TRAF3IP3: variants seen among roughly 807,000 people sequenced by gnomAD.
The protein encoded by TRAF3IP3 is TRAF3-interacting JNK-activating modulator.
In TRAF3IP3, 64 loss-of-function variants were observed where a neutral mutation model predicts 86.5. The ratio of observed to expected loss-of-function variants is 0.74; its 90% CI spans 0.60 to 0.91. TRAF3IP3 has a LOEUF of 0.91. TRAF3IP3 is among the 40% of genes least tolerant of loss of function. The pLI is 0.00. For synonymous variants in TRAF3IP3, 220 were observed against 243.9 expected (o/e 0.90, Z 0.91); for missense variants, 579 against 642.9 (o/e 0.90, Z 1.07).
intron 8 of TRAF3IP3, among the ~76,000 whole-genome samples, chr1:209,770,850 T>C (rs2077475151): frequency 7.6e-6 from 1 of 130,876 alleles, no homozygotes; most frequent in Non-Finnish European, 1.6e-5. Context: ...AGTGTGTGTG[T>C]GCATGTGAAA....
At chr1:209,779,782 G>T in intron 14 of TRAF3IP3, 1 of 476,770 alleles carries the variant, frequency 2.1e-6, no homozygotes, top group Non-Finnish European at 3.8e-6. Flanking sequence ...TGTTTCCTGA[G>T]AATTCACTGT....
At chr1:209,771,081 GGTGT>G (rs796466318) in intron 8 of TRAF3IP3, among the ~76,000 whole-genome samples, 4 of 143,460 alleles carry the variant, frequency 2.8e-5, no homozygotes, top group Non-Finnish European at 4.5e-5. Flanking sequence ...TGCAGGTGGA[GGTGT>G]GTGTGTGCAG....
Position 209,781,459 on chromosome 1 carries a change from G to A in TRAF3IP3, c.1563+1G>A, listed in dbSNP as rs749392897. 3 of 1,607,992 alleles carry A rather than the reference G, an allele frequency of 1.9e-6. No individual in the cohort carries two copies. Among genetic ancestry groups the A allele is most frequent in the Middle Eastern group, 1.7e-4 (1 of 6,048 alleles). On this transcript the variant is annotated splice_donor_variant, in intron 16 of 16. Coordinates refer to ENST00000367025, the MANE Select transcript of TRAF3IP3 (RefSeq NM_025228.4). LOFTEE classifies it high-confidence loss of function. ...CCAGAGCCAGCAGCTGCCTCCCAGA[G>A]TAAGAGGGTCTCTCCTTCCCATAAA...
intron 8 of TRAF3IP3, among the ~76,000 whole-genome samples, chr1:209,771,599 T>G (rs1402906406): frequency 8.2e-6 from 1 of 122,254 alleles, no homozygotes; most frequent in Non-Finnish European, 1.6e-5. Flanking sequence ...TGGAGGTGTG[T>G]GTGCGCATGT....
chr1:209,778,333 G>T (rs776246663), intron 13 of TRAF3IP3, 160 bp downstream of exon 13: 7 of 565,100 alleles, frequency 1.2e-5, no homozygotes, highest in Non-Finnish European at 2.2e-5. Flanking sequence ...CATTTACATA[G>T]CTCTCCATAA....
intron 8 of TRAF3IP3, chr1:209,768,370 C>A: frequency 1.0e-6 from 1 of 985,432 alleles, no homozygotes; most frequent in Non-Finnish European, 1.2e-6. Flanking sequence ...GAGGGTCCAA[C>A]CTTCAGGGCA....
At chr1:209,761,541 T>C (rs1202484418) in intron 3 of TRAF3IP3, among the ~76,000 whole-genome samples, 1 of 152,166 alleles carries the variant, frequency 6.6e-6, no homozygotes, top group Non-Finnish European at 1.5e-5. Flanking sequence ...CAATAGGAGA[T>C]GCTGTTCAGA....
intron 14 of TRAF3IP3, 58 bp from the exon 15 acceptor site, chr1:209,780,412 G>T (rs1011607399): frequency 7.0e-7 from 1 of 1,432,482 alleles, no homozygotes; most frequent in Admixed American, 2.4e-5. Flanking sequence ...TTCACCCTCA[G>T]GGCCCTTCCT....
In TRAF3IP3 at chr1:209,779,388, T is replaced by C. The variant is rs914317321; in HGVS notation, c.1312+14T>C. Reference sequence around the variant, plus strand: ...TAACAAAGAAAGGTCAGCAAATTTATTACCACAAATTCTAAGATATTGCTC... The same window carrying C: ...TAACAAAGAAAGGTCAGCAAATTTACTACCACAAATTCTAAGATATTGCTC... On this transcript the variant is annotated intron_variant, in intron 14 of 16. Coordinates refer to ENST00000367025, the MANE Select transcript of TRAF3IP3 (RefSeq NM_025228.4). The C allele has an allele frequency of 5.6e-6, 9 of 1,608,798 alleles. No individual in the cohort carries two copies. In the South Asian group the frequency reaches 8.8e-5, roughly 16 times the overall value.
At chr1:209,772,679 CT>C (rs150179236) in intron 8 of TRAF3IP3, among the ~76,000 whole-genome samples, 5,297 of 151,886 alleles carry the variant, frequency 0.035, 328 homozygotes, top group African/African-American at 0.12. Flanking sequence ...CGGGGCCCCC[CT>C]GCTATGCTAC....
chr1:209,770,212 C>T (rs1484197037), intron 8 of TRAF3IP3, among the ~76,000 whole-genome samples: 1 of 141,048 alleles, frequency 7.1e-6, no homozygotes, highest in Non-Finnish European at 1.5e-5. Context: ...CTCCCTTACA[C>T]CCCCTGCCGC....
intron 9 of TRAF3IP3, 66 bp from the exon 10 acceptor site, chr1:209,775,283 A>G (rs1407939145): frequency 6.8e-6 from 10 of 1,477,820 alleles, no homozygotes; most frequent in Non-Finnish European, 9.2e-6. Context: ...TCATTTCTGT[A>G]TCCCAGCTCA....
intron 2 of TRAF3IP3, 34 bp from the exon 3 acceptor site, chr1:209,759,948 C>T: frequency 8.5e-6 from 9 of 1,061,924 alleles, no homozygotes; most frequent in Non-Finnish European, 1.3e-5. Flanking sequence ...ATCTTCTGAC[C>T]CCTCCCCTTC....
chr1:209,771,711 GT>G (rs1374310685), intron 8 of TRAF3IP3, among the ~76,000 whole-genome samples: 1 of 150,082 alleles, frequency 6.7e-6, no homozygotes, highest in Non-Finnish European at 1.5e-5. Flanking sequence ...AGGTGTATGT[GT>G]GCAGGTGGAA....
chr1:209,762,915 C>G, intron 5 of TRAF3IP3, 45 bp downstream of exon 5: 2 of 1,611,308 alleles, frequency 1.2e-6, no homozygotes, highest in Non-Finnish European at 1.7e-6. Flanking sequence ...CCATTCCTCT[C>G]TAGAGAGAAC....
intron 8 of TRAF3IP3, among the ~76,000 whole-genome samples, chr1:209,772,095 G>C (rs971676358): frequency 6.6e-6 from 1 of 152,016 alleles, no homozygotes; most frequent in Non-Finnish European, 1.5e-5. Flanking sequence ...GCATGTGGAG[G>C]TGTGTGTGGC....
intron 8 of TRAF3IP3, among the ~76,000 whole-genome samples, chr1:209,765,226 A>AGAGG (rs2077327857): frequency 2.6e-5 from 2 of 77,090 alleles, no homozygotes; most frequent in Admixed American, 1.6e-4. Context: ...AGAGAGAGAG[A>AGAGG]GAGGAAGGAA....
At chr1:209,770,463 G>T (rs1221085821) in intron 8 of TRAF3IP3, among the ~76,000 whole-genome samples, 2 of 139,562 alleles carry the variant, frequency 1.4e-5, no homozygotes, top group Admixed American at 1.4e-4. Flanking sequence ...GTGTGTGCAT[G>T]TGGAGGTGTG....
At chr1:209,766,597 C>T (rs1202440241) in intron 8 of TRAF3IP3, among the ~76,000 whole-genome samples, 1 of 152,244 alleles carries the variant, frequency 6.6e-6, no homozygotes, top group Non-Finnish European at 1.5e-5. Flanking sequence ...GGCACGGCAG[C>T]TCATGCCTAT....
Sources: allele counts gnomAD v4.1 joint callset (sites outside exome capture counted in the v4.1 genomes callset), GRCh38; gene constraint gnomAD v4.1.1; transcripts MANE v1.5; gene names NCBI Gene and HGNC (gene_info 2026-07-23, HGNC 2026-07-21).